COL15A1: variants seen among roughly 807,000 people sequenced by gnomAD.
COL15A1 encodes the protein collagen type XV alpha 1 chain, also known as collagen alpha-1(XV) chain.
In COL15A1, 111 loss-of-function variants were observed where a neutral mutation model predicts 165.9. The ratio of observed to expected loss-of-function variants is 0.67; its 90% CI spans 0.57 to 0.78. The LOEUF is 0.78. Ranked by LOEUF, COL15A1 falls within the 30% of genes least tolerant of loss-of-function variation. The pLI is 0.00. For synonymous variants in COL15A1, 659 were observed against 674.8 expected, an observed-to-expected ratio of 0.98 and a Z score of 0.36; for missense variants, 1,745 against 1,789.7, an observed-to-expected ratio of 0.98 and a Z score of 0.45.
chr9:99,039,550 G>T (rs1839364630), intron 22 of COL15A1, among the ~76,000 whole-genome samples: 1 of 152,172 alleles, frequency 6.6e-6, no homozygotes, highest in African/African-American at 2.4e-5. Context: ...CATTATTTCT[G>T]CAAGTTGGCA....
intron 5 of COL15A1, among the ~76,000 whole-genome samples, chr9:98,992,558 G>A (rs1329367749): frequency 6.6e-6 from 1 of 152,264 alleles, no homozygotes; most frequent in Non-Finnish European, 1.5e-5. Context: ...CTCCCACAGT[G>A]CAGTGGTGGG....
chr9:99,059,978 T>C lies in COL15A1; in HGVS notation c.3402+25T>C, dbSNP rs1825783473. 3 of 1,610,370 alleles carry C rather than the reference T, an allele frequency of 1.9e-6. No homozygotes were observed. The African/African-American group carries it at 4.0e-5, about 22-fold the overall frequency. ...GGTCAGTATTATCATCAGTGTGTAG[T>C]CATCATTCCATTTGGGATAGATATA... On this transcript the variant is annotated intron_variant, in intron 36 of 41. Coordinates refer to ENST00000375001, the MANE Select transcript of COL15A1 (RefSeq NM_001855.5).
chr9:99,041,962 T>C, intron 23 of COL15A1, 83 bp from the exon 24 acceptor site: 1 of 904,026 alleles, frequency 1.1e-6, no homozygotes, highest in South Asian at 1.5e-5. Context: ...TGTATTCTAC[T>C]GTTGAGAAAA....
intron 39 of COL15A1, among the ~76,000 whole-genome samples, chr9:99,063,458 A>G (rs888642710): frequency 6.6e-6 from 1 of 152,200 alleles, no homozygotes; most frequent in Non-Finnish European, 1.5e-5. Context: ...AATTGCTAGT[A>G]TTAAATTACA....
At chr9:99,054,543 A>T (rs766610577) in intron 31 of COL15A1, 33 bp from the exon 32 acceptor site, 1 of 1,546,922 alleles carries the variant, frequency 6.5e-7, no homozygotes. Flanking sequence ...GTGATTTTCC[A>T]TTTTTTTTTA....
chr9:98,948,554 C>T (rs60433680), intron 2 of COL15A1, among the ~76,000 whole-genome samples: 3,754 of 147,274 alleles, frequency 0.025, 160 homozygotes, highest in African/African-American at 0.091. Flanking sequence ...GCCAAGATCG[C>T]GCCACTGCAC....
rs759553086 is a variant in COL15A1 at position 98,985,831 on chromosome 9, C to T, written c.367C>T (p.Arg123Trp). 3.7e-5 allele frequency: 59 copies of T among 1,613,860 alleles called. No individual in the cohort carries two copies. The highest frequency in any genetic ancestry group is 6.6e-5 in the South Asian group (6 of 91,084). The change falls in exon 3 of 42, where the codon CGG becomes TGG. Residue 123 changes from arginine (R) to tryptophan (W), a missense_variant. Coordinates refer to ENST00000375001, the MANE Select transcript of COL15A1 (RefSeq NM_001855.5). ...CCAGAAGGTCATCTACCTGGGCCTG[C>T]GGCTCTCAGGTGTGGAGGACGGCCA... Reference protein sequence around the residue: ...AFQKVIYLGLRLSGVEDGHQR... With the variant: ...AFQKVIYLGLWLSGVEDGHQR...
At position 99,055,298 on chromosome 9, in the gene COL15A1, G is replaced by A; in HGVS notation, c.3118G>A (p.Gly1040Arg). ...NGDKGFKGEK[G>R]EKGDINGSFL... ...AGACAAGGGGTTCAAAGGTGAAAAA[G>A]GAGAAAAAGGAGACATTAATGGCAG... Residue 1040 changes from glycine (G) to arginine (R), a missense_variant, in exon 34 of 42, where the codon GGA becomes AGA. Gly to Arg is a moderately radical substitution (Grantham distance 125). Transcript: ENST00000375001. 1 of 1,613,820 alleles carries A rather than the reference G, an allele frequency of 6.2e-7. No individual in the cohort carries two copies. Among genetic ancestry groups the A allele is most frequent in the East Asian group, 2.2e-5 (1 of 44,884 alleles).
intron 19 of COL15A1, among the ~76,000 whole-genome samples, chr9:99,035,858 G>T (rs114649461): frequency 9.1e-4 from 139 of 152,218 alleles, no homozygotes; most frequent in African/African-American, 3.3e-3. Context: ...AAGCGATGCC[G>T]GCTCTCAGGA....
At chr9:98,956,083 A>G (rs1837771220) in intron 2 of COL15A1, among the ~76,000 whole-genome samples, 2 of 152,246 alleles carry the variant, frequency 1.3e-5, no homozygotes, top group South Asian at 4.1e-4. Flanking sequence ...AGGCAGATGG[A>G]TCACCTGAGG....
At chr9:98,983,612 C>T (rs893698726) in intron 2 of COL15A1, among the ~76,000 whole-genome samples, 7 of 152,210 alleles carry the variant, frequency 4.6e-5, no homozygotes, top group Non-Finnish European at 8.8e-5. Context: ...GGCACAGAGG[C>T]AGGCTCCCAT....
intron 16 of COL15A1, among the ~76,000 whole-genome samples, chr9:99,034,072 CA>C (rs1839254901): frequency 6.6e-6 from 1 of 152,174 alleles, no homozygotes; most frequent in Non-Finnish European, 1.5e-5. Flanking sequence ...CTACTCCAGC[CA>C]GCTTTGGGTC....
At chr9:98,950,590 TCCTC>T (rs977699778) in intron 2 of COL15A1, among the ~76,000 whole-genome samples, 2 of 93,866 alleles carry the variant, frequency 2.1e-5, no homozygotes, top group South Asian at 4.2e-4. Context: ...CTTCCTTCCT[TCCTC>T]CCTCCCTCCC....
intron 5 of COL15A1, among the ~76,000 whole-genome samples, chr9:98,991,377 A>G (rs1366475192): frequency 6.6e-6 from 1 of 152,188 alleles, no homozygotes; most frequent in African/African-American, 2.4e-5. Flanking sequence ...CAGGGTGCTC[A>G]TTGGTGCGTT....
chr9:99,024,854 C>T lies in COL15A1; in HGVS notation c.1855-20C>T. On this transcript the variant is annotated intron_variant, in intron 14 of 41. Coordinates refer to ENST00000375001, the MANE Select transcript of COL15A1 (RefSeq NM_001855.5). ...TTCGGTATTCCCCCACTGTTTCTAA[C>T]AGAGTCTTTGTGTTTTTAGGGTCCT... 6.2e-7 allele frequency: 1 copy of T among 1,608,144 alleles called. No homozygotes were observed.
chr9:98,954,714 GCTTTTGTTGCATTGTT>G (rs1837747652), intron 2 of COL15A1, among the ~76,000 whole-genome samples: 1 of 152,096 alleles, frequency 6.6e-6, no homozygotes, highest in Non-Finnish European at 1.5e-5. Flanking sequence ...CATTTTTAAG[GCTTTTGTTGCATTGTT>G]CAGACAGGCA....
rs377366060 is a variant in COL15A1 at position 99,068,684 on chromosome 9, G to A, written c.3953+14G>A. On this transcript the variant is annotated intron_variant, in intron 41 of 41. Coordinates refer to ENST00000375001, the MANE Select transcript of COL15A1 (RefSeq NM_001855.5). Reference sequence around the variant, plus strand: ...AGATCCTTCTTGGTAAGTGAGGGTGGAAGTTCTCAGATATGGTGTGATAGA... The same window carrying A: ...AGATCCTTCTTGGTAAGTGAGGGTGAAAGTTCTCAGATATGGTGTGATAGA... 66 of 1,417,466 alleles carry A rather than the reference G, an allele frequency of 4.7e-5. No individual in the cohort carries two copies. Among genetic ancestry groups the A allele is most frequent in the Non-Finnish European group, 6.2e-5 (64 of 1,032,854 alleles). 87.8% of individuals were successfully genotyped at this position (1,417,466 alleles called of 1,614,324 possible). A position where few individuals can be genotyped will look rare whatever the true frequency, so the allele number is the denominator to read the frequency against.
At chr9:99,047,104 C>T (rs930019729) in intron 26 of COL15A1, among the ~76,000 whole-genome samples, 1 of 152,190 alleles carries the variant, frequency 6.6e-6, no homozygotes, top group Non-Finnish European at 1.5e-5. Context: ...GGAAGACATA[C>T]ATCATCAGTG....
chr9:99,069,176 C>T lies in COL15A1; in HGVS notation c.3954-497C>T, dbSNP rs554569774. ...TGGAAGGCACAATAATAAACCCACA[C>T]AGCTCCTACTTTTACAGGGCTCACA... On this transcript the variant is annotated intron_variant, in intron 41 of 41. Coordinates refer to ENST00000375001, the MANE Select transcript of COL15A1 (RefSeq NM_001855.5). Among the ~76,000 whole-genome samples the T allele has an allele frequency of 3.5e-4, 54 of 152,342 alleles. 2 individuals carry two copies. In the South Asian group the frequency reaches 0.011, roughly 30 times the overall value.
Sources: gnomAD v4.1 joint callset for allele counts (sites outside exome capture counted in the v4.1 genomes callset) on GRCh38, gnomAD v4.1.1 for gene constraint, MANE v1.5 for transcripts, NCBI Gene and HGNC (gene_info 2026-07-23, HGNC 2026-07-21) for gene names.